DBH: variants seen among roughly 807,000 people sequenced by gnomAD.
DBH encodes dopamine beta-hydroxylase (dopamine beta-monooxygenase).
Under a neutral mutation model 64.0 loss-of-function variants are expected in DBH, and 49 were observed. The ratio of observed to expected loss-of-function variants is 0.77; its 90% CI spans 0.61 to 0.97. The LOEUF (loss-of-function observed/expected upper bound fraction) is 0.97, where lower values mean the gene tolerates loss of function less well. Among genes scored for constraint, DBH ranks in the 50% least tolerant of loss-of-function variants. DBH has a pLI of 0.00. For synonymous variants in DBH, 343 were observed against 347.1 expected, an observed-to-expected ratio of 0.99 and a Z score of 0.13; for missense variants, 828 against 826.6, an observed-to-expected ratio of 1.00 and a Z score of -0.02.
rs781378927 is a variant in DBH at position 133,642,230 on chromosome 9, C to T, written c.510C>T (p.Tyr170=). 2.5e-5 allele frequency: 41 copies of T among 1,613,442 alleles called. No individual in the cohort carries two copies. The East Asian group carries it at 2.9e-4, about 11-fold the overall frequency. ...LIEDGTVHLV[Y]GILEEPFRSL... ...AGGACGGCACTGTCCACTTGGTCTA[C>T]GGGATCCTGGAGGAGCCGTTCCGGT... is the stretch of plus-strand genomic sequence containing the variant. The change falls in exon 3 of 12, where the codon TAC becomes TAT. Residue 170 remains tyrosine, a synonymous_variant. Transcript: ENST00000393056.
At chr9:133,647,288 C>G (rs1274384009) in intron 5 of DBH, among the ~76,000 whole-genome samples, 1 of 152,236 alleles carries the variant, frequency 6.6e-6, no homozygotes, top group Non-Finnish European at 1.5e-5. Context: ...TACACTCACA[C>G]TTGCCCAGCT....
At chr9:133,656,256 CCCAT>C (rs751881301) in intron 9 of DBH, 26 of 458,178 alleles carry the variant, frequency 5.7e-5, no homozygotes, top group Non-Finnish European at 9.0e-5. Flanking sequence ...ACAATAACAC[CCCAT>C]CCGCTTGTCC....
chr9:133,657,497 G>GGAGGGAGA (rs539115095), intron 11 of DBH, among the ~76,000 whole-genome samples: 15 of 143,118 alleles, frequency 1.0e-4, no homozygotes, highest in African/African-American at 3.8e-4. Context: ...GAGAGAGAGA[G>GGAGGGAGA]GAGAGAGAGA....
chr9:133,652,529 G>A (rs773523604), intron 8 of DBH, among the ~76,000 whole-genome samples: 3 of 152,134 alleles, frequency 2.0e-5, no homozygotes, highest in Non-Finnish European at 4.4e-5. Context: ...GGGGACGCGT[G>A]TCCTCAGTCT....
chr9:133,646,258 A>T (rs1186567928), intron 5 of DBH, among the ~76,000 whole-genome samples: 1 of 152,030 alleles, frequency 6.6e-6, no homozygotes, highest in African/African-American at 2.4e-5. Context: ...TTGCCGCCTG[A>T]CATCCCTTTC....
intron 5 of DBH, among the ~76,000 whole-genome samples, chr9:133,645,990 C>A (rs889915556): frequency 6.6e-6 from 1 of 152,126 alleles, no homozygotes; most frequent in Non-Finnish European, 1.5e-5. Flanking sequence ...AAGGGCAATG[C>A]ATGTACACTG....
chr9:133,656,219 C>T (rs546279652), intron 9 of DBH: 14 of 374,566 alleles, frequency 3.7e-5, no homozygotes, highest in African/African-American at 2.9e-4. Context: ...TGCTCTGAGA[C>T]TCAGTTTCTG....
Position 133,656,718 on chromosome 9 carries a change from C to A in DBH, c.1562+68C>A, listed in dbSNP as rs79651612. ...GACACAGAACCTCGGGCCTGTTAGG[C>A]GGCTGGGCAGATTGGAGGAGTCCAG... is the stretch of plus-strand genomic sequence containing the variant. On this transcript the variant is annotated intron_variant, in intron 10 of 11. Coordinates refer to ENST00000393056, the MANE Select transcript of DBH (RefSeq NM_000787.4). 787 of 1,589,718 alleles carry A rather than the reference C, an allele frequency of 5.0e-4. 4 individuals are homozygous for A. The African/African-American group carries it at 9.2e-3, about 19-fold the overall frequency.
intron 11 of DBH, chr9:133,657,446 A>AGAGG (rs1289696827): frequency 2.1e-6 from 1 of 468,850 alleles, no homozygotes; most frequent in Non-Finnish European, 3.8e-6. Flanking sequence ...GAGAGAGGAG[A>AGAGG]GAGAGGAGAG....
intron 7 of DBH, 152 bp from the exon 8 acceptor site, chr9:133,652,094 C>A: frequency 1.2e-6 from 1 of 840,212 alleles, no homozygotes; most frequent in Non-Finnish European, 2.0e-6. Context: ...AGAAGCCACA[C>A]TTAGCGGGCT....
rs1832367871 is a variant in DBH, at chr9:133,658,596, A to AT, written c.*149_*150insT. 1 of 928,538 alleles carries AT rather than the reference A, an allele frequency of 1.1e-6. No homozygotes were observed. The highest frequency in any genetic ancestry group is 2.8e-5 in the East Asian group (1 of 35,684). 57.5% of individuals were successfully genotyped at this position (928,538 alleles called of 1,614,324 possible). ...ACGCCCCTGCCTGAGACCACGGTCC[A>AT]ATCCAGCCTTCTTCCCCCAGGGTCC... On this transcript the variant is annotated 3_prime_UTR_variant, in exon 12 of 12. Coordinates refer to ENST00000393056, the MANE Select transcript of DBH (RefSeq NM_000787.4).
chr9:133,636,642 G>A lies in DBH; in HGVS notation c.271G>A (p.Asp91Asn), dbSNP rs147944557. 3.3e-5 allele frequency: 54 copies of A among 1,612,482 alleles called. No homozygotes were observed. Among genetic ancestry groups the A allele is most frequent in the Admixed American group, 5.0e-5 (3 of 60,010 alleles). Residue 91 changes from aspartate to asparagine, a missense_variant, in exon 1 of 12, where the codon GAC becomes AAC. Transcript: ENST00000393056. ...GGCTGGCGTCCTGTTTGGGATGTCC[G>A]ACCGTGGCGAGCTTGAGAACGCAGA... is the stretch of plus-strand genomic sequence containing the variant. Reference protein sequence around the residue: ...LKAGVLFGMSDRGELENADLV... With the variant: ...LKAGVLFGMSNRGELENADLV...
In DBH at chr9:133,647,844, A is replaced by G. The variant is rs778063171; in HGVS notation, c.1025-2A>G. On this transcript the variant is annotated splice_acceptor_variant, in intron 5 of 11. Coordinates refer to ENST00000393056, the MANE Select transcript of DBH (RefSeq NM_000787.4). LOFTEE classifies it high-confidence loss of function. ...ACCTCCATCCATCCCACCTTCTCCC[A>G]GGACGAAACGACTCCTCAGGCATCC... 8 of 1,614,190 alleles carry G rather than the reference A, an allele frequency of 5.0e-6. No individual in the cohort carries two copies. Among genetic ancestry groups the G allele is most frequent in the Non-Finnish European group, 6.8e-6 (8 of 1,180,016 alleles).
chr9:133,649,624 G>A (rs1180463336), intron 6 of DBH, among the ~76,000 whole-genome samples: 4 of 152,234 alleles, frequency 2.6e-5, no homozygotes, highest in African/African-American at 9.6e-5. Context: ...AGCCGGCATG[G>A]CACCCATTGT....
Position 133,642,352 on chromosome 9 carries a change from C to T in DBH, c.632C>T (p.Ala211Val), listed in dbSNP as rs143535251. The change falls in exon 3 of 12, where the codon GCG (alanine) becomes GTG (valine). Residue 211 changes from alanine to valine, a missense_variant. Coordinates refer to ENST00000393056, the MANE Select transcript of DBH (RefSeq NM_000787.4). ...CCCGAACCGGAGTTGCCCTCAGACG[C>T]GTGCACCATGGAGGTCCAAGCTCCC... is the stretch of plus-strand genomic sequence containing the variant. ...NIPEPELPSD[A>V]CTMEVQAPNI... 7.8e-4 allele frequency: 1,265 copies of T among 1,614,042 alleles called. 3 individuals carry two copies. The highest frequency in any genetic ancestry group is 9.9e-4 in the Non-Finnish European group (1,173 of 1,180,036).
Position 133,658,519 on chromosome 9 carries a change from G to A in DBH, c.*72G>A. On this transcript the variant is annotated 3_prime_UTR_variant, in exon 12 of 12. Coordinates refer to ENST00000393056, the MANE Select transcript of DBH (RefSeq NM_000787.4). ...ACACCGGCACTGTGCACTCTACTCTGCGACGATCCCCATGGAACAGCCCTG... is the reference window on the plus strand; with the variant it reads ...ACACCGGCACTGTGCACTCTACTCTACGACGATCCCCATGGAACAGCCCTG... 1 of 1,473,408 alleles carries A rather than the reference G, an allele frequency of 6.8e-7. No individual in the cohort carries two copies. Among genetic ancestry groups the A allele is most frequent in the Non-Finnish European group, 9.1e-7 (1 of 1,102,270 alleles). The allele number at this position is 1,473,408 out of a possible 1,614,324, so 91.3% of individuals were successfully genotyped here.
At chr9:133,652,856 T>C (rs574842023) in intron 8 of DBH, 84 bp from the exon 9 acceptor site, 4 of 909,094 alleles carry the variant, frequency 4.4e-6, no homozygotes, top group Non-Finnish European at 7.4e-6. Context: ...GCATGCACAG[T>C]GGCGTGGTCC....
At position 133,642,326 on chromosome 9, in the gene DBH, C is replaced by T. The variant is rs763327258; in HGVS notation, c.606C>T (p.Ile202=). The part of the protein sequence containing the change: ...LQRVQLLKPN[I]PEPELPSDAC... ...GGGTGCAGCTCCTGAAGCCCAATAT[C>T]CCCGAACCGGAGTTGCCCTCAGACG... Residue 202 remains isoleucine, a synonymous_variant, in exon 3 of 12, where the codon ATC becomes ATT. Transcript: ENST00000393056. The T allele has an allele frequency of 2.5e-6, 4 of 1,614,164 alleles. No individual in the cohort carries two copies. The Admixed American group carries it at 6.7e-5, about 27-fold the overall frequency.
At chr9:133,644,195 G>T in intron 4 of DBH, 23 bp from the exon 5 acceptor site, 2 of 1,589,032 alleles carry the variant, frequency 1.3e-6, no homozygotes, top group Non-Finnish European at 1.7e-6. Context: ...ACACCCGTCT[G>T]TCTGACACCT....
Sources: gnomAD v4.1 joint callset for allele counts (sites outside exome capture counted in the v4.1 genomes callset) on GRCh38, gnomAD v4.1.1 for gene constraint, MANE v1.5 for transcripts, NCBI Gene and HGNC (gene_info 2026-07-23, HGNC 2026-07-21) for gene names.